AK5: variants seen among roughly 807,000 people sequenced by gnomAD.
The protein encoded by AK5 is adenylate kinase 5.
A neutral mutation model predicts 69.5 loss-of-function variants in AK5; 27 were observed. The ratio of observed to expected loss-of-function variants is 0.39; its 90% CI spans 0.29 to 0.54. AK5 has a LOEUF of 0.54. Ranked by LOEUF, AK5 falls within the 20% of genes least tolerant of loss-of-function variation. AK5 has a pLI of 0.71. For missense variants in AK5, 531 were observed against 700.4 expected, an observed-to-expected ratio of 0.76 and a Z score of 2.73; for synonymous variants, 260 against 244.4, an observed-to-expected ratio of 1.06 and a Z score of -0.60.
rs1222649416 is a variant in AK5, at chr1:77,400,558, C to CT, written c.892-10422dup. Among the ~76,000 whole-genome samples the CT allele has an allele frequency of 5.3e-5, 8 of 152,272 alleles. No individual in the cohort carries two copies. The East Asian group carries it at 1.5e-3, about 29-fold the overall frequency. On this transcript the variant is annotated intron_variant, in intron 6 of 13. Coordinates refer to ENST00000354567, the MANE Select transcript of AK5 (RefSeq NM_174858.3). ...TGATGAAGATTCCAAAAAATATTCT[C>CT]TGAGCTAATGTCGTAGGAATAATCA...
Position 77,297,878 on chromosome 1 carries a change from T to C in AK5, c.630T>C (p.Pro210=), listed in dbSNP as rs1481466248. Residue 210 remains proline, a synonymous_variant, in exon 5 of 14, where the codon CCT becomes CCC. Transcript: ENST00000354567. ...TEIKQKLMQI[P]DEEGIVIDGF... Reference sequence around the variant, plus strand: ...TAAAACAAAAATTGATGCAAATACCTGATGAAGAGGGCATTGTTATTGATG... The same window carrying C: ...TAAAACAAAAATTGATGCAAATACCCGATGAAGAGGGCATTGTTATTGATG... The C allele has an allele frequency of 6.2e-7, 1 of 1,613,502 alleles. No homozygotes were observed. Among genetic ancestry groups the C allele is most frequent in the Non-Finnish European group, 8.5e-7 (1 of 1,179,806 alleles).
chr1:77,358,905 G>A (rs1007588132), intron 6 of AK5, among the ~76,000 whole-genome samples: 1 of 150,726 alleles, frequency 6.6e-6, no homozygotes, highest in Admixed American at 6.6e-5. Context: ...TGTTTTTACT[G>A]AGGAAAAAAA....
At chr1:77,299,919 C>T (rs1390844698) in intron 5 of AK5, among the ~76,000 whole-genome samples, 1 of 151,852 alleles carries the variant, frequency 6.6e-6, no homozygotes, top group African/African-American at 2.4e-5. Context: ...AGGAAGAGTC[C>T]CTGGCTTTTC....
At chr1:77,283,295 GGGA>G in intron 1 of AK5, 2 of 985,354 alleles carry the variant, frequency 2.0e-6, no homozygotes, top group Non-Finnish European at 2.4e-6. Context: ...TGAAGTAGGG[GGGA>G]GGAGGAGAAA....
In AK5 at chr1:77,518,509, T is replaced by A. The variant is rs1001664777; in HGVS notation, c.1148-55T>A. The A allele has an allele frequency of 6.3e-6, 10 of 1,586,032 alleles. No individual in the cohort carries two copies. The African/African-American group carries it at 1.2e-4, about 19-fold the overall frequency. ...GCTTGCTCACCATGGTGACTACCAT[T>A]AAAAATGAGGCACCAGACTTGGAAT... On this transcript the variant is annotated intron_variant, in intron 10 of 13. Transcript: ENST00000354567.
chr1:77,361,110 C>G (rs186270639), intron 6 of AK5, among the ~76,000 whole-genome samples: 4 of 152,328 alleles, frequency 2.6e-5, no homozygotes, highest in African/African-American at 9.6e-5. Flanking sequence ...TTGAGATGCT[C>G]TGGCTCTTCT....
chr1:77,539,122 C>A (rs1659136600), intron 13 of AK5, among the ~76,000 whole-genome samples: 1 of 152,258 alleles, frequency 6.6e-6, no homozygotes, highest in African/African-American at 2.4e-5. Flanking sequence ...GCTGCTGGAA[C>A]TACCAAAACT....
At chr1:77,349,627 TA>T (rs1432844651) in intron 6 of AK5, 1 of 152,228 alleles carries the variant, frequency 6.6e-6, no homozygotes, top group African/African-American at 2.4e-5. Context: ...ATTATATTGG[TA>T]CATTACATTG....
At chr1:77,383,332 T>C (rs1325290445) in intron 6 of AK5, among the ~76,000 whole-genome samples, 1 of 152,180 alleles carries the variant, frequency 6.6e-6, no homozygotes, top group African/African-American at 2.4e-5. Flanking sequence ...TTCCTGCCAC[T>C]GTGAGAAGTC....
chr1:77,429,931 A>G (rs766611357), intron 8 of AK5, among the ~76,000 whole-genome samples: 10 of 152,204 alleles, frequency 6.6e-5, no homozygotes, highest in Non-Finnish European at 1.2e-4. Flanking sequence ...TGGAGTGCAG[A>G]TGAGCCTGGA....
At chr1:77,284,530 G>A (rs571925867) in intron 1 of AK5, among the ~76,000 whole-genome samples, 29 of 152,232 alleles carry the variant, frequency 1.9e-4, no homozygotes, top group Admixed American at 1.0e-3. Context: ...ATGGAATATG[G>A]GATATCTCTG....
At chr1:77,498,435 A>G (rs1252625108) in intron 10 of AK5, among the ~76,000 whole-genome samples, 1 of 152,184 alleles carries the variant, frequency 6.6e-6, no homozygotes, top group Non-Finnish European at 1.5e-5. Context: ...GAGAGACTCA[A>G]GGTCATTTTT....
chr1:77,430,228 G>A (rs1046695151), intron 8 of AK5, among the ~76,000 whole-genome samples: 7 of 152,090 alleles, frequency 4.6e-5, no homozygotes, highest in African/African-American at 2.4e-5. Context: ...AGTAAAAAAG[G>A]GGACAGAGAG....
At chr1:77,434,241 A>G (rs1651824983) in intron 8 of AK5, among the ~76,000 whole-genome samples, 2 of 152,070 alleles carry the variant, frequency 1.3e-5, no homozygotes, top group Admixed American at 1.3e-4. Flanking sequence ...TGACTGATAT[A>G]TTAGATTTCT....
intron 12 of AK5, among the ~76,000 whole-genome samples, chr1:77,531,341 A>G (rs1238276891): frequency 6.6e-6 from 1 of 152,148 alleles, no homozygotes; most frequent in Non-Finnish European, 1.5e-5. Flanking sequence ...GCAGGCTAGG[A>G]TCTGGCCCCA....
chr1:77,440,931 T>A (rs1024493480), intron 8 of AK5, among the ~76,000 whole-genome samples: 3 of 152,168 alleles, frequency 2.0e-5, no homozygotes, highest in Non-Finnish European at 2.9e-5. Context: ...GTATTTTTAG[T>A]AGAGACGGGG....
intron 10 of AK5, among the ~76,000 whole-genome samples, chr1:77,493,763 G>A (rs1165061751): frequency 6.6e-6 from 1 of 152,162 alleles, no homozygotes; most frequent in East Asian, 1.9e-4. Flanking sequence ...GGATGGTAGA[G>A]TAAAGAAAAA....
chr1:77,412,764 C>G (rs2100573050), intron 7 of AK5, among the ~76,000 whole-genome samples: 1 of 152,242 alleles, frequency 6.6e-6, no homozygotes. Flanking sequence ...ATCTCAGCTG[C>G]CCCACAGCTC....
At chr1:77,367,599 AAT>A (rs1646988340) in intron 6 of AK5, among the ~76,000 whole-genome samples, 1 of 63,130 alleles carries the variant, frequency 1.6e-5, no homozygotes, top group South Asian at 6.0e-4. Flanking sequence ...TTATATATGT[AAT>A]ATATATGTAA....
Sources: gnomAD v4.1 joint callset for allele counts (sites outside exome capture counted in the v4.1 genomes callset) on GRCh38, gnomAD v4.1.1 for gene constraint, MANE v1.5 for transcripts, NCBI Gene and HGNC (gene_info 2026-07-23, HGNC 2026-07-21) for gene names.